LOC128462377: variants seen among roughly 807,000 people sequenced by gnomAD.
At chr16:89,328,272 T>C in the LOC128462377 span, among the ~76,000 whole-genome samples, 2 of 152,232 alleles carry the variant, frequency 1.3e-5, no homozygotes, top group Non-Finnish European at 2.9e-5. Flanking sequence ...GTTGCTGCTC[T>C]GGAGAACAGC....
the LOC128462377 span, among the ~76,000 whole-genome samples, chr16:89,345,143 T>C: frequency 6.6e-6 from 1 of 151,040 alleles, no homozygotes; most frequent in African/African-American, 2.4e-5. Flanking sequence ...CACCAGGAAA[T>C]GGAAAAGGCA....
chr16:89,322,890 C>T, the LOC128462377 span, among the ~76,000 whole-genome samples: 1 of 152,256 alleles, frequency 6.6e-6, no homozygotes, highest in Admixed American at 6.5e-5. Context: ...GTTGCCCAGG[C>T]TGGAGTGCAG....
At chr16:89,396,234 G>GATT in the LOC128462377 span, among the ~76,000 whole-genome samples, 1 of 152,218 alleles carries the variant, frequency 6.6e-6, no homozygotes, top group Non-Finnish European at 1.5e-5. Context: ...TTCTGATGTA[G>GATT]TAAAATCAAG....
At chr16:89,321,230 C>T in the LOC128462377 span, 1 of 152,324 alleles carries the variant, frequency 6.6e-6, no homozygotes, top group Non-Finnish European at 1.5e-5. Context: ...ACGGCAAGGT[C>T]AGTTTGGCAA....
At chr16:89,334,027 T>C in the LOC128462377 span, among the ~76,000 whole-genome samples, 8 of 150,294 alleles carry the variant, frequency 5.3e-5, no homozygotes, top group Non-Finnish European at 1.0e-4. Context: ...AATACAGAAA[T>C]AAGGCCAGGT....
chr16:89,344,442 CCA>C, the LOC128462377 span, among the ~76,000 whole-genome samples: 1 of 152,192 alleles, frequency 6.6e-6, no homozygotes, highest in African/African-American at 2.4e-5. Flanking sequence ...CCACTGCTGT[CCA>C]CACACTCCTA....
chr16:89,318,446 C>T, the LOC128462377 span, among the ~76,000 whole-genome samples: 2 of 152,266 alleles, frequency 1.3e-5, no homozygotes, highest in Non-Finnish European at 2.9e-5. Context: ...CTTTCCGCCA[C>T]AGCAGCACCT....
the LOC128462377 span, among the ~76,000 whole-genome samples, chr16:89,342,662 GA>G: frequency 6.6e-6 from 1 of 152,154 alleles, no homozygotes; most frequent in Non-Finnish European, 1.5e-5. Flanking sequence ...ATTCTTAAGA[GA>G]AAAAACAAAC....
chr16:89,414,453 TTC>T, the LOC128462377 span, among the ~76,000 whole-genome samples: 1 of 152,186 alleles, frequency 6.6e-6, no homozygotes, highest in Non-Finnish European at 1.5e-5. Flanking sequence ...GGACTAACCC[TTC>T]TGTTTTGCCA....
the LOC128462377 span, chr16:89,317,094 C>T: frequency 2.0e-6 from 3 of 1,472,436 alleles, no homozygotes; most frequent in Admixed American, 1.9e-5. Flanking sequence ...AAAGAGAAGA[C>T]ACACAATTCA....
chr16:89,372,233 A>C, the LOC128462377 span, among the ~76,000 whole-genome samples: 1 of 152,208 alleles, frequency 6.6e-6, no homozygotes, highest in Non-Finnish European at 1.5e-5. Flanking sequence ...GAGCTGGGGA[A>C]AGAGCCACAC....
the LOC128462377 span, among the ~76,000 whole-genome samples, chr16:89,365,216 G>A: frequency 2.6e-5 from 4 of 152,162 alleles, no homozygotes; most frequent in Admixed American, 6.6e-5. Context: ...GTCAGAAGGG[G>A]AAGTTCCAGA....
At chr16:89,397,785 T>A in the LOC128462377 span, among the ~76,000 whole-genome samples, 1 of 152,162 alleles carries the variant, frequency 6.6e-6, no homozygotes, top group Non-Finnish European at 1.5e-5. Context: ...GGGACTGGAG[T>A]GGAGCCCTTG....
At chr16:89,378,199 G>T in the LOC128462377 span, among the ~76,000 whole-genome samples, 1 of 151,972 alleles carries the variant, frequency 6.6e-6, no homozygotes, top group Non-Finnish European at 1.5e-5. Flanking sequence ...TTAAGAAGCG[G>T]GAAAAAAAGT....
chr16:89,397,253 G>A, the LOC128462377 span, among the ~76,000 whole-genome samples: 2 of 152,194 alleles, frequency 1.3e-5, no homozygotes, highest in Non-Finnish European at 2.9e-5. Context: ...CAGCCATCAA[G>A]GCATCCACCT....
At chr16:89,332,513 G>C in the LOC128462377 span, among the ~76,000 whole-genome samples, 7 of 152,322 alleles carry the variant, frequency 4.6e-5, no homozygotes, top group South Asian at 6.2e-4. Context: ...AAACAGCCTC[G>C]TCTGCTCACT....
the LOC128462377 span, among the ~76,000 whole-genome samples, chr16:89,377,017 C>G: frequency 6.6e-6 from 1 of 152,216 alleles, no homozygotes; most frequent in African/African-American, 2.4e-5. Flanking sequence ...TTTTTCCGGA[C>G]TGCTTCCATT....
chr16:89,342,165 G>A, the LOC128462377 span, among the ~76,000 whole-genome samples: 458 of 152,332 alleles, frequency 3.0e-3, no homozygotes, highest in Admixed American at 8.3e-3. Context: ...TTGGCGTCTG[G>A]GCCTCAAAGC....
chr16:89,417,879 G>C, the LOC128462377 span, among the ~76,000 whole-genome samples: 527 of 152,260 alleles, frequency 3.5e-3, 4 homozygotes, highest in African/African-American at 0.012. Flanking sequence ...CAGCTCCCAG[G>C]ATACAGAATC....
Sources: allele counts gnomAD v4.1 joint callset (sites outside exome capture counted in the v4.1 genomes callset), GRCh38; gene constraint gnomAD v4.1.1; transcripts MANE v1.5.